The following MYOCD variants were observed in gnomAD, a reference collection of about 807,000 sequenced individuals.
MYOCD encodes the protein myocardin.
In MYOCD, 32 loss-of-function variants were observed where a neutral mutation model predicts 96.1. The observed-to-expected ratio is 0.33, with a 90% CI of 0.25 to 0.45. The LOEUF (loss-of-function observed/expected upper bound fraction) is 0.45, where lower values mean the gene tolerates loss of function less well. Among genes scored for constraint, MYOCD ranks in the 20% least tolerant of loss-of-function variants. MYOCD has a pLI of 1.00. For missense variants in MYOCD, 1,133 were observed against 1,200.6 expected (o/e 0.94, Z 0.83); for synonymous variants, 469 against 469.0 (o/e 1.00, Z 0.00).
chr17:12,731,877 G>A (rs919636808), intron 5 of MYOCD, among the ~76,000 whole-genome samples: 2 of 152,192 alleles, frequency 1.3e-5, no homozygotes, highest in African/African-American at 2.4e-5. Context: ...CAACAGCGAC[G>A]AGCTAAGTCT....
At position 12,758,166 on chromosome 17, in the gene MYOCD, AT is replaced by A; in HGVS notation, c.2287del (p.Ser763GlnfsTer3). The A allele has an allele frequency of 6.2e-7, 1 of 1,614,200 alleles. No homozygotes were observed. The highest frequency in any genetic ancestry group is 8.5e-7 in the Non-Finnish European group (1 of 1,180,036). On this transcript the variant is annotated frameshift_variant, in exon 12 of 14. Transcript: ENST00000425538. LOFTEE classifies it high-confidence loss of function. ...SPTFSKSSSA[I>X]SEVTQPPSYE... Reference sequence around the variant, plus strand: ...AACTTTTTCTAAGTCAAGTTCAGCAATTTCAGAGGTAACACAGCCTCCATCC... The same window carrying A: ...AACTTTTTCTAAGTCAAGTTCAGCAATTCAGAGGTAACACAGCCTCCATCC...
intron 5 of MYOCD, among the ~76,000 whole-genome samples, chr17:12,726,843 G>A (rs750466912): frequency 7.2e-4 from 109 of 152,140 alleles, no homozygotes; most frequent in Admixed American, 1.1e-3. Context: ...GGAAACCAAG[G>A]AAATTAAGAA....
intron 11 of MYOCD, 63 bp downstream of exon 11, chr17:12,756,620 CG>C: frequency 1.4e-6 from 2 of 1,423,068 alleles, no homozygotes; most frequent in South Asian, 2.6e-5. Context: ...TTCTGTAACC[CG>C]GGAGGCAGAA....
At chr17:12,708,643 G>A (rs573745804) in intron 2 of MYOCD, among the ~76,000 whole-genome samples, 9 of 152,116 alleles carry the variant, frequency 5.9e-5, no homozygotes, top group Admixed American at 1.3e-4. Flanking sequence ...CACCCACCTC[G>A]GGTTCCCAAA....
intron 1 of MYOCD, among the ~76,000 whole-genome samples, chr17:12,677,478 C>G (rs1910143232): frequency 6.6e-6 from 1 of 151,944 alleles, no homozygotes; most frequent in Admixed American, 6.6e-5. Flanking sequence ...TTTGGGAGGC[C>G]AAGATGGGCG....
intron 2 of MYOCD, among the ~76,000 whole-genome samples, chr17:12,714,322 T>TGCAC (rs1555531834): frequency 3.4e-5 from 1 of 29,292 alleles, no homozygotes; most frequent in African/African-American, 8.3e-5. Context: ...ATGAGGCACG[T>TGCAC]GCACACACAC....
At chr17:12,699,011 G>A (rs2150666735) in intron 1 of MYOCD, among the ~76,000 whole-genome samples, 1 of 151,666 alleles carries the variant, frequency 6.6e-6, no homozygotes, top group East Asian at 1.9e-4. Context: ...CAAAGTGCTG[G>A]GATTACAGGC....
intron 4 of MYOCD, among the ~76,000 whole-genome samples, chr17:12,719,963 C>A (rs2031781547): frequency 6.6e-6 from 1 of 151,612 alleles, no homozygotes; most frequent in African/African-American, 2.4e-5. Flanking sequence ...CAAACCATTT[C>A]TTCTCTGACA....
At chr17:12,670,399 G>A (rs8065821) in intron 1 of MYOCD, among the ~76,000 whole-genome samples, 16,687 of 152,106 alleles carry the variant, frequency 0.11, 1,541 homozygotes, top group African/African-American at 0.25. Flanking sequence ...CTAAAAGGAC[G>A]ACTGATTCCT....
At chr17:12,680,355 T>G (rs1519255) in intron 1 of MYOCD, among the ~76,000 whole-genome samples, 21,143 of 152,162 alleles carry the variant, frequency 0.14, 1,681 homozygotes, top group African/African-American at 0.21. Flanking sequence ...GACGTCTGTC[T>G]TACAGGGATG....
At chr17:12,669,411 C>T (rs568796421) in intron 1 of MYOCD, among the ~76,000 whole-genome samples, 1 of 152,330 alleles carries the variant, frequency 6.6e-6, no homozygotes, top group Admixed American at 6.5e-5. Flanking sequence ...CTGGCAATTG[C>T]CATGAACTTG....
intron 8 of MYOCD, 54 bp from the exon 9 acceptor site, chr17:12,745,865 G>A: frequency 6.3e-7 from 1 of 1,589,538 alleles, no homozygotes; most frequent in Non-Finnish European, 8.6e-7. Flanking sequence ...CTAAATGCAA[G>A]TTATCCCACC....
rs540880785 is a variant in MYOCD at position 12,700,287 on chromosome 17, C to T, written c.56-4841C>T. Among the ~76,000 whole-genome samples the T allele has an allele frequency of 1.3e-4, 20 of 151,058 alleles. 1 individual carries two copies. The South Asian group carries it at 3.6e-3, about 27-fold the overall frequency. On this transcript the variant is annotated intron_variant, in intron 1 of 13. Coordinates refer to ENST00000425538, the MANE Select transcript of MYOCD (RefSeq NM_001146312.3). ...TTGTTCAAAGTGTTTTTAATATTTTCGTCTTTTGTTTCCATTTCCACTGCC... is the reference window on the plus strand; with the variant it reads ...TTGTTCAAAGTGTTTTTAATATTTTTGTCTTTTGTTTCCATTTCCACTGCC...
In MYOCD at chr17:12,712,078, G is replaced by A. The variant is rs558441157; in HGVS notation, c.122-3441G>A. Among the ~76,000 whole-genome samples, 317 of 152,016 alleles carry A rather than the reference G, an allele frequency of 2.1e-3. 4 individuals carry two copies. The highest frequency in any genetic ancestry group is 7.3e-3 in the African/African-American group (302 of 41,460). ...GGGTTTCACCATCTTGGCCAGGCTG[G>A]TCTTGAACTCCTGACCTCATGATCC... On this transcript the variant is annotated intron_variant, in intron 2 of 13. Transcript: ENST00000425538.
In MYOCD at chr17:12,719,129, C is replaced by G. The variant is rs1031327323; in HGVS notation, c.253+1708C>G. Among the ~76,000 whole-genome samples, 10 of 134,184 alleles carry G rather than the reference C, an allele frequency of 7.5e-5. No homozygotes were observed. In the Admixed American group the frequency reaches 8.5e-4, roughly 11 times the overall value. The allele number at this position is 134,184 out of a possible 152,430, so 88.0% of individuals were successfully genotyped here. A position where few individuals can be genotyped will look rare whatever the true frequency, so the allele number is the denominator to read the frequency against. ...GGCGGAGGTTGCAGTGAGCTGAGAT[C>G]GCGCCACCGCACTCCAGCCGGGGCC... On this transcript the variant is annotated intron_variant, in intron 4 of 13. Coordinates refer to ENST00000425538, the MANE Select transcript of MYOCD (RefSeq NM_001146312.3).
intron 1 of MYOCD, among the ~76,000 whole-genome samples, chr17:12,698,943 CG>C (rs1190754487): frequency 6.6e-6 from 1 of 151,460 alleles, no homozygotes; most frequent in African/African-American, 2.4e-5. Flanking sequence ...GGGGTTTCAC[CG>C]TGTTAGCCAG....
At chr17:12,731,349 G>A (rs1023828152) in intron 5 of MYOCD, among the ~76,000 whole-genome samples, 2 of 152,144 alleles carry the variant, frequency 1.3e-5, no homozygotes, top group East Asian at 1.9e-4. Context: ...AGGAAGGGCC[G>A]CCTTTGCTTT....
chr17:12,744,281 C>A lies in MYOCD; in HGVS notation c.816C>A (p.Asp272Glu). The stretch of plus-strand genomic sequence containing the variant: ...AATATCACCAGTACATTCCCCCAGA[C>A]CAGAAGGCAGAGAAGTCCCCTCCAC... ...KLKYHQYIPP[D>E]QKAEKSPPPM... The change falls in exon 8 of 14, where the codon GAC (aspartate) becomes GAA (glutamate). Residue 272 changes from aspartate (D) to glutamate (E), a missense_variant. Coordinates refer to ENST00000425538, the MANE Select transcript of MYOCD (RefSeq NM_001146312.3). The A allele has an allele frequency of 6.2e-7, 1 of 1,614,196 alleles. No individual in the cohort carries two copies. Among genetic ancestry groups the A allele is most frequent in the Non-Finnish European group, 8.5e-7 (1 of 1,180,044 alleles).
rs548045233 is a variant in MYOCD, at chr17:12,753,316, G to A, written c.2028G>A (p.Ser676=). The stretch of plus-strand genomic sequence containing the variant: ...AGGGAGAAGGGCACAGGGTCTCCTC[G>A]CCCATCAGCAGCCAGGTGTGCACTG... ...GAQGEGHRVS[S]PISSQVCTAQ... Residue 676 remains serine, a synonymous_variant, in exon 10 of 14, where the codon TCG becomes TCA. Coordinates refer to ENST00000425538, the MANE Select transcript of MYOCD (RefSeq NM_001146312.3). The A allele has an allele frequency of 4.7e-5, 75 of 1,607,326 alleles. No homozygotes were observed. The Middle Eastern group carries it at 8.3e-4, about 18-fold the overall frequency.
Sources: gnomAD v4.1 joint callset for allele counts (sites outside exome capture counted in the v4.1 genomes callset) on GRCh38, gnomAD v4.1.1 for gene constraint, MANE v1.5 for transcripts, NCBI Gene and HGNC (gene_info 2026-07-23, HGNC 2026-07-21) for gene names.